The following TRPM7 variants were observed in gnomAD, a reference collection of about 807,000 sequenced individuals.
TRPM7 encodes the protein transient receptor potential cation channel subfamily M member 7.
Under a neutral mutation model 229.7 loss-of-function variants are expected in TRPM7, and 134 were observed. The ratio of observed to expected loss-of-function variants is 0.58; its 90% CI spans 0.51 to 0.67. The LOEUF is 0.67. TRPM7 is among the 30% of genes least tolerant of loss of function. The pLI is 0.00. For synonymous variants in TRPM7, 699 were observed against 715.2 expected (o/e 0.98, Z 0.36); for missense variants, 1,901 against 2,210.0 (o/e 0.86, Z 2.80).
chr15:50,662,857 C>T lies in TRPM7; in HGVS notation c.83+110G>A, dbSNP rs1043840235. On this transcript the variant is annotated intron_variant, in intron 2 of 38. Coordinates refer to ENST00000646667, the MANE Select transcript of TRPM7 (RefSeq NM_017672.6). ...GATTAACAGTAATTATAAAAAGTAA[C>T]AGTAAGTACAAATAATTTATTTAGT... The T allele has an allele frequency of 7.1e-5, 56 of 789,690 alleles. 1 individual carries two copies. The highest frequency in any genetic ancestry group is 2.5e-5 in the Non-Finnish European group (12 of 480,220). 48.9% of individuals were successfully genotyped at this position (789,690 alleles called of 1,614,324 possible).
rs2060098324 is a variant in TRPM7, at chr15:50,612,799, T to TCTTCTTTC, written c.1793_1800dup (p.Lys601GlufsTer11). 6.2e-7 allele frequency: 1 copy of TCTTCTTTC among 1,613,478 alleles called. No homozygotes were observed. The highest frequency in any genetic ancestry group is 1.3e-5 in the African/African-American group (1 of 74,876). The stretch of plus-strand genomic sequence containing the variant: ...TCTACAATTTCATCTTTGGTTCTTT[T>TCTTCTTTC]CTTCTTTCCTTCTTCCATAACTGTA... On this transcript the variant is annotated frameshift_variant, in exon 16 of 39. Transcript: ENST00000646667. LOFTEE classifies it high-confidence loss of function.
At chr15:50,576,291 T>A (rs563855135) in intron 31 of TRPM7, among the ~76,000 whole-genome samples, 1 of 152,176 alleles carries the variant, frequency 6.6e-6, no homozygotes, top group Non-Finnish European at 1.5e-5. Context: ...CATGAGAAGA[T>A]GAACTTCTGG....
intron 15 of TRPM7, 141 bp downstream of exon 15, chr15:50,613,566 A>T: frequency 8.5e-6 from 4 of 468,186 alleles, no homozygotes; most frequent in Admixed American, 4.3e-5. Context: ...TCTGTGTGTG[A>T]GAAAATGACA....
At chr15:50,652,602 C>T (rs2061452623) in intron 3 of TRPM7, among the ~76,000 whole-genome samples, 1 of 150,964 alleles carries the variant, frequency 6.6e-6, no homozygotes, top group South Asian at 2.1e-4. Context: ...TGGTGAATTT[C>T]ATCAAACATT....
chr15:50,567,638 T>C (rs1596052395), intron 38 of TRPM7, among the ~76,000 whole-genome samples: 2 of 151,624 alleles, frequency 1.3e-5, no homozygotes, highest in East Asian at 3.9e-4. Flanking sequence ...GTGTGGTTTG[T>C]CCTAGGAATG....
intron 1 of TRPM7, among the ~76,000 whole-genome samples, chr15:50,679,646 A>C (rs1373893359): frequency 6.8e-6 from 1 of 148,108 alleles, no homozygotes; most frequent in African/African-American, 2.5e-5. Flanking sequence ...ACCAATTCTC[A>C]TGCCCCAGTC....
intron 1 of TRPM7, among the ~76,000 whole-genome samples, chr15:50,663,374 C>T (rs1237804489): frequency 8.5e-5 from 13 of 152,194 alleles, no homozygotes; most frequent in Admixed American, 7.9e-4. Context: ...GATCTGCCTG[C>T]CTCGGCCTCC....
Position 50,583,151 on chromosome 15 carries a change from T to A in TRPM7, c.4495A>T (p.Ile1499Phe). 1 of 1,601,440 alleles carries A rather than the reference T, an allele frequency of 6.2e-7. No individual in the cohort carries two copies. Among genetic ancestry groups the A allele is most frequent in the Non-Finnish European group, 8.5e-7 (1 of 1,175,484 alleles). ...IPVHSKQAEK[I>F]SRRPSTEDTH... ...TCTTCGGTAGATGGCCTTCTACTGA[T>A]TTTTTCTGCTAAAAGAAAATTAAAA... is the stretch of plus-strand genomic sequence containing the variant. The change falls in exon 29 of 39, where the codon ATC becomes TTC. Residue 1499 changes from isoleucine to phenylalanine, a missense_variant. Physicochemically the swap from Ile to Phe is conservative, Grantham distance 21. Around this residue, in one of 8 missense-constraint regions of TRPM7, gnomAD observed 533 missense variants for 497.1 expected, o/e 1.07. Coordinates refer to ENST00000646667, the MANE Select transcript of TRPM7 (RefSeq NM_017672.6).
chr15:50,669,128 A>T (rs1406544265), intron 1 of TRPM7, among the ~76,000 whole-genome samples: 2 of 152,130 alleles, frequency 1.3e-5, no homozygotes, highest in Non-Finnish European at 2.9e-5. Flanking sequence ...GAGGGTACAA[A>T]CCCACAGCTG....
In TRPM7 at chr15:50,578,104, T is replaced by G. The variant is rs191217286; in HGVS notation, c.4618+535A>C. Among the ~76,000 whole-genome samples, 121 of 152,262 alleles carry G rather than the reference T, an allele frequency of 7.9e-4. 1 individual carries two copies. The highest frequency in any genetic ancestry group is 2.8e-3 in the African/African-American group (118 of 41,556). ...AAGTAGAAACAAAGGAATGGAGATA[T>G]AGGCAAAATTGTTTTTAGGTGCTGA... is the stretch of plus-strand genomic sequence containing the variant. On this transcript the variant is annotated intron_variant, in intron 31 of 38. Coordinates refer to ENST00000646667, the MANE Select transcript of TRPM7 (RefSeq NM_017672.6).
intron 2 of TRPM7, among the ~76,000 whole-genome samples, chr15:50,661,191 G>C (rs2061713307): frequency 6.6e-6 from 1 of 151,918 alleles, no homozygotes; most frequent in Non-Finnish European, 1.5e-5. Context: ...TGGCCAGGCT[G>C]GTCTCGAACT....
rs554837676 is a variant in TRPM7 at position 50,619,538 on chromosome 15, T to C, written c.1494+207A>G. Among the ~76,000 whole-genome samples, 70 of 152,196 alleles carry C rather than the reference T, an allele frequency of 4.6e-4. 1 individual carries two copies. Among genetic ancestry groups the C allele is most frequent in the African/African-American group, 1.6e-3 (66 of 41,554 alleles). On this transcript the variant is annotated intron_variant, in intron 13 of 38. Coordinates refer to ENST00000646667, the MANE Select transcript of TRPM7 (RefSeq NM_017672.6). ...ATGCCCAGCCTTGGTCTTAATTCCATAAACTCTCTTTTTTTCTTGTTTTCT... is the reference window on the plus strand; with the variant it reads ...ATGCCCAGCCTTGGTCTTAATTCCACAAACTCTCTTTTTTTCTTGTTTTCT...
chr15:50,639,728 G>A (rs62017192), intron 5 of TRPM7, among the ~76,000 whole-genome samples, 180 bp from the exon 6 acceptor site: 21,915 of 150,170 alleles, frequency 0.15, 2,176 homozygotes, highest in Admixed American at 0.28. Context: ...TAAGACAGCC[G>A]GCTAATTTTT....
At chr15:50,594,382 T>G in intron 24 of TRPM7, 47 bp downstream of exon 24, 3 of 1,452,948 alleles carry the variant, frequency 2.1e-6, no homozygotes, top group Non-Finnish European at 2.8e-6. Context: ...GGTGTAAAAA[T>G]GAGAAGTGAT....
At chr15:50,625,479 G>C (rs534126780) in intron 11 of TRPM7, among the ~76,000 whole-genome samples, 1 of 152,046 alleles carries the variant, frequency 6.6e-6, no homozygotes, top group Non-Finnish European at 1.5e-5. Flanking sequence ...CACAATCATA[G>C]CTCACTGCAG....
chr15:50,621,470 G>T (rs1307421259), intron 12 of TRPM7, among the ~76,000 whole-genome samples: 1 of 152,084 alleles, frequency 6.6e-6, no homozygotes, highest in East Asian at 1.9e-4. Context: ...CTCAAAGTGT[G>T]ACCTGGGGAC....
At chr15:50,619,213 G>GC (rs1295854529) in intron 13 of TRPM7, among the ~76,000 whole-genome samples, 3 of 149,970 alleles carry the variant, frequency 2.0e-5, no homozygotes, top group Non-Finnish European at 4.4e-5. Flanking sequence ...AAGCTCAACA[G>GC]CTTTTTTTTC....
At chr15:50,582,446 G>A (rs2054467326) in intron 29 of TRPM7, 1 of 151,954 alleles carries the variant, frequency 6.6e-6, no homozygotes, top group Non-Finnish European at 1.5e-5. Flanking sequence ...GTTTATGTAA[G>A]TTGACTCCCA....
rs368252691 is a variant in TRPM7 at position 50,563,794 on chromosome 15, A to AT, written c.5468-1987dup. Among the ~76,000 whole-genome samples, 871 of 152,024 alleles carry AT rather than the reference A, an allele frequency of 5.7e-3. 6 individuals carry two copies. The highest frequency in any genetic ancestry group is 0.02 in the African/African-American group (822 of 41,464). ...ATAAACTTTCTTAAAACATGATGGC[A>AT]TTTTTTTGCATTTTTTTAAGCTCAT... On this transcript the variant is annotated intron_variant, in intron 38 of 38. Transcript: ENST00000646667.
Sources: allele counts gnomAD v4.1 joint callset (sites outside exome capture counted in the v4.1 genomes callset), GRCh38; gene constraint gnomAD v4.1.1; regional missense constraint gnomAD v4.1.1; transcripts MANE v1.5; gene names NCBI Gene and HGNC (gene_info 2026-07-23, HGNC 2026-07-21).